Variants in CDC7 observed in about 807,000 individuals in gnomAD.
The protein encoded by CDC7 is cell division cycle 7-related protein kinase.
Under a neutral mutation model 53.5 loss-of-function variants are expected in CDC7, and 34 were observed. The observed-to-expected ratio is 0.64, with a 90% CI of 0.48 to 0.85. The LOEUF is 0.85. Ranked by LOEUF, CDC7 falls within the 40% of genes least tolerant of loss-of-function variation. The pLI, the probability that CDC7 is intolerant of heterozygous loss-of-function variation, is 0.00. For synonymous variants in CDC7, 211 were observed against 222.8 expected (o/e 0.95, Z 0.47); for missense variants, 594 against 679.7 (o/e 0.87, Z 1.40).
At chr1:91,522,883 ACAGT>A (rs1000114537) in intron 11 of CDC7, among the ~76,000 whole-genome samples, 8 of 152,166 alleles carry the variant, frequency 5.3e-5, no homozygotes, top group African/African-American at 1.7e-4. Flanking sequence ...TTTATCATCC[ACAGT>A]CAGATTAATG....
intron 2 of CDC7, among the ~76,000 whole-genome samples, chr1:91,503,959 CATATT>C (rs1666839574): frequency 6.6e-6 from 1 of 151,964 alleles, no homozygotes; most frequent in Admixed American, 6.6e-5. Flanking sequence ...AGGTCCATTG[CATATT>C]ATATTATAAT....
At position 91,501,735 on chromosome 1, in the gene CDC7, A is replaced by G. The variant is rs1571308064; in HGVS notation, c.19A>G (p.Ile7Val). MEASLG[I>V]QMDEPMAFSP... ...GCTTGTGATGGAGGCGTCTTTGGGG[A>G]TTCAGATGGATGAGCCAATGGCTTT... The change falls in exon 2 of 12, where the codon ATT (isoleucine) becomes GTT (valine). Residue 7 changes from isoleucine to valine, a missense_variant. By Grantham distance (29) the Ile-to-Val change is conservative (BLOSUM62 3). Transcript: ENST00000234626. 1 of 1,613,958 alleles carries G rather than the reference A, an allele frequency of 6.2e-7. No homozygotes were observed. Among genetic ancestry groups the G allele is most frequent in the Non-Finnish European group, 8.5e-7 (1 of 1,179,940 alleles).
At chr1:91,511,521 G>A (rs1022293798) in intron 4 of CDC7, 76 bp from the exon 5 acceptor site, 27 of 838,612 alleles carry the variant, frequency 3.2e-5, no homozygotes, top group Middle Eastern at 2.3e-4. Context: ...CTAAAATTGC[G>A]GTTTTTAAAA....
chr1:91,517,116 G>A (rs546602105), intron 10 of CDC7, among the ~76,000 whole-genome samples: 4 of 152,158 alleles, frequency 2.6e-5, no homozygotes, highest in Non-Finnish European at 4.4e-5. Flanking sequence ...GAGGAATGGT[G>A]AGAGATAAAC....
At position 91,524,071 on chromosome 1, in the gene CDC7, C is replaced by T. The variant is rs959377004; in HGVS notation, c.1361C>T (p.Pro454Leu). Reference sequence around the variant, plus strand: ...TCAATATTATGTAGCAAAGAAGTTCCAGCACAAGACTTGAGAAAACTCTGT... The same window carrying T: ...TCAATATTATGTAGCAAAGAAGTTCTAGCACAAGACTTGAGAAAACTCTGT... The part of the protein sequence containing the change: ...GKSILCSKEV[P>L]AQDLRKLCER... The change falls in exon 12 of 12, where the codon CCA becomes CTA. Residue 454 changes from proline to leucine, a missense_variant. Transcript: ENST00000234626. 3.7e-6 allele frequency: 6 copies of T among 1,602,498 alleles called. No individual in the cohort carries two copies. Among genetic ancestry groups the T allele is most frequent in the Non-Finnish European group, 5.1e-6 (6 of 1,174,394 alleles).
intron 1 of CDC7, chr1:91,501,386 G>T: frequency 3.8e-6 from 1 of 265,446 alleles, no homozygotes; most frequent in South Asian, 1.0e-4. Flanking sequence ...TGGCTGTGCC[G>T]GACTGGCAGC....
intron 3 of CDC7, 149 bp from the exon 4 acceptor site, chr1:91,508,113 G>T: frequency 1.3e-6 from 1 of 755,144 alleles, no homozygotes; most frequent in Non-Finnish European, 2.0e-6. Flanking sequence ...CAACCTTAAA[G>T]AAAGAATAAA....
intron 2 of CDC7, among the ~76,000 whole-genome samples, chr1:91,505,318 G>A (rs1317726934): frequency 6.6e-6 from 1 of 152,226 alleles, no homozygotes; most frequent in African/African-American, 2.4e-5. Flanking sequence ...TTCTAATGGA[G>A]TGAGATGTGA....
intron 2 of CDC7, among the ~76,000 whole-genome samples, chr1:91,504,335 G>T (rs1666870245): frequency 6.6e-6 from 1 of 151,984 alleles, no homozygotes; most frequent in Non-Finnish European, 1.5e-5. Flanking sequence ...TCAAACTCCT[G>T]GCCTCAAGTG....
intron 2 of CDC7, among the ~76,000 whole-genome samples, chr1:91,505,649 G>A (rs1243375667): frequency 6.6e-6 from 1 of 152,132 alleles, no homozygotes; most frequent in Non-Finnish European, 1.5e-5. Context: ...TGTTTCATTT[G>A]TCTGTCTTTA....
intron 6 of CDC7, 29 bp downstream of exon 6, chr1:91,511,952 T>G: frequency 6.7e-7 from 1 of 1,502,102 alleles, no homozygotes; most frequent in Non-Finnish European, 9.1e-7. Flanking sequence ...TAGAAAATAT[T>G]TATCCTATTT....
chr1:91,505,996 C>CTATTATTGT (rs537045755), intron 2 of CDC7, among the ~76,000 whole-genome samples: 1 of 151,990 alleles, frequency 6.6e-6, no homozygotes, highest in East Asian at 1.9e-4. Context: ...CATTCTATTT[C>CTATTATTGT]TATTATTGTT....
intron 4 of CDC7, among the ~76,000 whole-genome samples, chr1:91,508,817 A>G (rs572956891): frequency 9.8e-5 from 15 of 152,304 alleles, no homozygotes; most frequent in Non-Finnish European, 2.1e-4. Context: ...ACATATGGAC[A>G]TGATTTAGAA....
chr1:91,511,520 C>T (rs1307772427), intron 4 of CDC7, 77 bp from the exon 5 acceptor site: 12 of 821,612 alleles, frequency 1.5e-5, no homozygotes, highest in South Asian at 8.2e-5. Flanking sequence ...GCTAAAATTG[C>T]GGTTTTTAAA....
At chr1:91,514,672 T>A (rs1667463581) in intron 8 of CDC7, 147 bp from the exon 9 acceptor site, 1 of 546,480 alleles carries the variant, frequency 1.8e-6, no homozygotes, top group African/African-American at 1.9e-5. Flanking sequence ...CCTTAAACAT[T>A]TTAATAGACA....
chr1:91,516,307 T>C (rs1196251415), intron 10 of CDC7, among the ~76,000 whole-genome samples: 5 of 152,158 alleles, frequency 3.3e-5, no homozygotes. Flanking sequence ...TATTTGTGTT[T>C]GATTAAAATT....
chr1:91,503,212 C>A (rs1447203307), intron 2 of CDC7, among the ~76,000 whole-genome samples: 1 of 152,024 alleles, frequency 6.6e-6, no homozygotes, highest in South Asian at 2.1e-4. Flanking sequence ...AATTTTATTA[C>A]GGATTTCAAA....
intron 1 of CDC7, chr1:91,501,426 C>T (rs1230619632): frequency 1.5e-5 from 5 of 325,638 alleles, no homozygotes; most frequent in Non-Finnish European, 2.8e-5. Context: ...CCTGCTGCTG[C>T]GCGGGTGCCC....
intron 4 of CDC7, 38 bp downstream of exon 4, chr1:91,508,435 T>C (rs373904957): frequency 4.2e-5 from 64 of 1,518,064 alleles, no homozygotes; most frequent in Non-Finnish European, 4.9e-5. Context: ...AACTTGTATA[T>C]AATTTATAAG....
Sources: gnomAD v4.1 joint callset for allele counts (sites outside exome capture counted in the v4.1 genomes callset) on GRCh38, gnomAD v4.1.1 for gene constraint, MANE v1.5 for transcripts, NCBI Gene and HGNC (gene_info 2026-07-23, HGNC 2026-07-21) for gene names.